Variants in TMTC2 observed in about 807,000 individuals in gnomAD.
TMTC2 encodes the protein transmembrane O-mannosyltransferase targeting cadherins 2, also known as protein O-mannosyl-transferase TMTC2.
TMTC2 carries 43 observed loss-of-function variants against 82.4 expected under a neutral mutation model. The observed-to-expected ratio is 0.52, with a 90% CI of 0.41 to 0.67. The LOEUF (loss-of-function observed/expected upper bound fraction) is 0.67. Ranked by LOEUF, TMTC2 falls within the 30% of genes least tolerant of loss-of-function variation. The pLI is 0.00. For missense variants in TMTC2, 919 were observed against 1,012.4 expected, an observed-to-expected ratio of 0.91 and a Z score of 1.25; for synonymous variants, 408 against 381.9, an observed-to-expected ratio of 1.07 and a Z score of -0.80.
At chr12:82,922,370 A>C (rs78540513) in intron 3 of TMTC2, among the ~76,000 whole-genome samples, 11,292 of 152,104 alleles carry the variant, frequency 0.074, 514 homozygotes, top group African/African-American at 0.093. Flanking sequence ...TATCTTTCTA[A>C]AAAAAAGGTT....
intron 3 of TMTC2, among the ~76,000 whole-genome samples, chr12:82,921,860 G>A (rs1034338473): frequency 1.3e-5 from 2 of 151,822 alleles, no homozygotes; most frequent in Non-Finnish European, 2.9e-5. Context: ...CACTTTGCAA[G>A]ATCAAGGTGG....
intron 1 of TMTC2, among the ~76,000 whole-genome samples, chr12:82,745,797 T>A (rs892997065): frequency 1.3e-5 from 2 of 152,214 alleles, no homozygotes; most frequent in African/African-American, 4.8e-5. Context: ...TTATTTGAAT[T>A]GGTATTAATG....
At chr12:83,091,517 C>G (rs751252729) in intron 11 of TMTC2, among the ~76,000 whole-genome samples, 16 of 152,278 alleles carry the variant, frequency 1.1e-4, no homozygotes, top group Middle Eastern at 3.4e-3. Context: ...CACATTCTCA[C>G]TGGCACAATT....
chr12:82,892,139 T>C (rs1048491641), intron 2 of TMTC2, among the ~76,000 whole-genome samples: 4 of 152,236 alleles, frequency 2.6e-5, no homozygotes, highest in Non-Finnish European at 4.4e-5. Context: ...AGAATAAGTA[T>C]GTGAAAGCAT....
rs535458793 is a variant in TMTC2 at position 83,047,880 on chromosome 12, AC to A, written c.2153-3023del. On this transcript the variant is annotated intron_variant, in intron 9 of 11. Coordinates refer to ENST00000321196, the MANE Select transcript of TMTC2 (RefSeq NM_152588.3). ...ACAATATTTCCTTTTTTGTTGTTGA[AC>A]AGCAAAGATGCATTTGGCATTGCTA... Among the ~76,000 whole-genome samples, 7 of 152,358 alleles carry A rather than the reference AC, an allele frequency of 4.6e-5. No individual in the cohort carries two copies. In the South Asian group the frequency reaches 1.5e-3, roughly 32 times the overall value.
intron 11 of TMTC2, among the ~76,000 whole-genome samples, chr12:83,119,738 A>C (rs988292610): frequency 6.6e-6 from 1 of 152,134 alleles, no homozygotes; most frequent in African/African-American, 2.4e-5. Context: ...CTGTCAGTAG[A>C]GTATAGAAGT....
At chr12:82,926,415 A>G (rs947052354) in intron 3 of TMTC2, among the ~76,000 whole-genome samples, 1 of 152,254 alleles carries the variant, frequency 6.6e-6, no homozygotes, top group Admixed American at 6.5e-5. Context: ...GCTGTGGAAG[A>G]AAAGTTTGAA....
rs1207916331 is a variant in TMTC2 at position 83,085,524 on chromosome 12, C to A, written c.2331+23693C>A. On this transcript the variant is annotated intron_variant, in intron 11 of 11. Transcript: ENST00000321196. The stretch of plus-strand genomic sequence containing the variant: ...TTCACTTGTATGGAGAGTAATATTT[C>A]TTTTGCCTTGAAAACATTGCCCTCT... Among the ~76,000 whole-genome samples, 8 of 151,946 alleles carry A rather than the reference C, an allele frequency of 5.3e-5. No individual in the cohort carries two copies. The South Asian group carries it at 1.0e-3, about 20-fold the overall frequency.
At chr12:82,845,706 T>C (rs1303162531) in intron 1 of TMTC2, among the ~76,000 whole-genome samples, 1 of 152,220 alleles carries the variant, frequency 6.6e-6, no homozygotes, top group East Asian at 1.9e-4. Flanking sequence ...ATCATGCAAA[T>C]TGCAAGTCTG....
chr12:82,825,088 C>CA lies in TMTC2; in HGVS notation c.84-31913dup, dbSNP rs1488838366. ...TGAGTGACAAAACAAGACTCTGACTCAAAAAAAAAGAAAAAAAAAAAAGAC... is the reference window on the plus strand; with the variant it reads ...TGAGTGACAAAACAAGACTCTGACTCAAAAAAAAAAGAAAAAAAAAAAAGAC... On this transcript the variant is annotated intron_variant, in intron 1 of 11. Transcript: ENST00000321196. Among the ~76,000 whole-genome samples, 412 of 129,544 alleles carry CA rather than the reference C, an allele frequency of 3.2e-3. 3 individuals carry two copies. Among genetic ancestry groups the CA allele is most frequent in the African/African-American group, 0.011 (383 of 34,226 alleles). The allele number at this position is 129,544 out of a possible 152,430, so 85.0% of individuals were successfully genotyped here.
chr12:83,050,825 AC>A, intron 9 of TMTC2, 78 bp from the exon 10 acceptor site: 1 of 858,432 alleles, frequency 1.2e-6, no homozygotes, highest in Non-Finnish European at 1.8e-6. Flanking sequence ...TTACCACTGT[AC>A]TTATTTTTCT....
intron 11 of TMTC2, among the ~76,000 whole-genome samples, chr12:83,115,305 A>T (rs1884717804): frequency 6.6e-6 from 1 of 152,214 alleles, no homozygotes; most frequent in South Asian, 2.1e-4. Flanking sequence ...CAGACAAGGA[A>T]TTTGGTTCAA....
At chr12:82,839,003 A>T (rs1046478598) in intron 1 of TMTC2, among the ~76,000 whole-genome samples, 3 of 152,172 alleles carry the variant, frequency 2.0e-5, no homozygotes, top group African/African-American at 7.2e-5. Flanking sequence ...AATTAAAGAA[A>T]GGTGATTCTG....
At chr12:82,945,159 T>G (rs529374801) in intron 4 of TMTC2, among the ~76,000 whole-genome samples, 2 of 152,148 alleles carry the variant, frequency 1.3e-5, no homozygotes, top group Non-Finnish European at 2.9e-5. Context: ...CAAAGCAGAA[T>G]TGGGGGAAAT....
At chr12:83,051,128 C>T (rs1479953384) in intron 10 of TMTC2, 110 bp downstream of exon 10, 30 of 680,648 alleles carry the variant, frequency 4.4e-5, no homozygotes, top group Admixed American at 1.0e-4. Context: ...GAGTCAATCA[C>T]GCTGCTTAAC....
chr12:83,044,552 G>T (rs892734891), intron 9 of TMTC2, among the ~76,000 whole-genome samples: 1 of 152,118 alleles, frequency 6.6e-6, no homozygotes, highest in African/African-American at 2.4e-5. Flanking sequence ...AGAAGTATGG[G>T]CACTATTTAG....
chr12:82,753,042 A>G (rs1876101416), intron 1 of TMTC2, among the ~76,000 whole-genome samples: 1 of 152,038 alleles, frequency 6.6e-6, no homozygotes, highest in African/African-American at 2.4e-5. Flanking sequence ...TTTTTGAATG[A>G]GCGGCTCTCT....
chr12:83,108,773 C>G (rs1263423434), intron 11 of TMTC2, among the ~76,000 whole-genome samples: 1 of 152,088 alleles, frequency 6.6e-6, no homozygotes, highest in Admixed American at 6.5e-5. Flanking sequence ...TGAAGGTCCC[C>G]GAACTATAAG....
chr12:82,990,141 C>T (rs1879339391), intron 8 of TMTC2, among the ~76,000 whole-genome samples: 2 of 152,044 alleles, frequency 1.3e-5, no homozygotes. Context: ...CTGCTAGTTT[C>T]AAGAGAAGAG....
Sources: gnomAD v4.1 joint callset for allele counts (sites outside exome capture counted in the v4.1 genomes callset) on GRCh38, gnomAD v4.1.1 for gene constraint, MANE v1.5 for transcripts, NCBI Gene and HGNC (gene_info 2026-07-23, HGNC 2026-07-21) for gene names.